Variants in DNAI2 observed in about 807,000 individuals in gnomAD.
The protein encoded by DNAI2 is dynein axonemal intermediate chain 2.
DNAI2 carries 63 observed loss-of-function variants against 74.7 expected under a neutral mutation model. The observed-to-expected ratio is 0.84, with a 90% CI of 0.69 to 1.04. DNAI2 has a LOEUF of 1.04. Among genes scored for constraint, DNAI2 ranks in the 50% least tolerant of loss-of-function variants. The pLI, the probability that DNAI2 is intolerant of heterozygous loss-of-function variation, is 0.00. For missense variants in DNAI2, 688 were observed against 803.2 expected, an observed-to-expected ratio of 0.86 and a Z score of 1.73; for synonymous variants, 289 against 314.9, an observed-to-expected ratio of 0.92 and a Z score of 0.87.
intron 1 of DNAI2, among the ~76,000 whole-genome samples, chr17:74,275,981 A>G (rs1476410759): frequency 2.0e-5 from 3 of 152,148 alleles, no homozygotes; most frequent in Non-Finnish European, 4.4e-5. Flanking sequence ...TAGGGGCTGT[A>G]CCAGGGACCA....
chr17:74,305,121 G>C (rs2053104409), intron 8 of DNAI2, 98 bp from the exon 9 acceptor site: 2 of 1,269,338 alleles, frequency 1.6e-6, no homozygotes, highest in Non-Finnish European at 2.2e-6. Flanking sequence ...GGCCTTTCTA[G>C]CGCCTGCAGA....
At chr17:74,283,514 G>A (rs890439379) in intron 2 of DNAI2, among the ~76,000 whole-genome samples, 7 of 152,000 alleles carry the variant, frequency 4.6e-5, no homozygotes, top group Middle Eastern at 3.4e-3. Context: ...AGGTGGAGGC[G>A]GGCGGATTGC....
intron 1 of DNAI2, among the ~76,000 whole-genome samples, chr17:74,274,697 A>G (rs1448183261): frequency 3.3e-5 from 5 of 152,216 alleles, no homozygotes; most frequent in Admixed American, 1.3e-4. Context: ...GAAGAAAAAC[A>G]GCCTCCGGCT....
intron 10 of DNAI2, 50 bp from the exon 11 acceptor site, chr17:74,309,967 T>G: frequency 3.9e-6 from 6 of 1,529,120 alleles, no homozygotes; most frequent in Non-Finnish European, 5.3e-6. Context: ...CAGACACACA[T>G]AACTTTGCTC....
At chr17:74,312,736 A>C (rs2053610365) in intron 12 of DNAI2, among the ~76,000 whole-genome samples, 1 of 152,196 alleles carries the variant, frequency 6.6e-6, no homozygotes, top group East Asian at 1.9e-4. Flanking sequence ...TAGCTGTATC[A>C]CCTGAGCTGG....
chr17:74,296,435 G>A (rs1236803895), intron 6 of DNAI2, among the ~76,000 whole-genome samples: 1 of 151,886 alleles, frequency 6.6e-6, no homozygotes, highest in Non-Finnish European at 1.5e-5. Flanking sequence ...TTGCTATGTT[G>A]ACCAGGTTGG....
chr17:74,312,647 T>C (rs979587227), intron 12 of DNAI2, among the ~76,000 whole-genome samples: 1 of 152,226 alleles, frequency 6.6e-6, no homozygotes, highest in African/African-American at 2.4e-5. Context: ...CACGTCATGC[T>C]GGCTTACCCA....
At chr17:74,277,828 A>C (rs2051186194) in intron 1 of DNAI2, among the ~76,000 whole-genome samples, 1 of 152,230 alleles carries the variant, frequency 6.6e-6, no homozygotes, top group South Asian at 2.1e-4. Context: ...ATTTTTAAGG[A>C]AGATCCCAGG....
chr17:74,307,715 C>A (rs1337822896), intron 9 of DNAI2, among the ~76,000 whole-genome samples: 2 of 147,458 alleles, frequency 1.4e-5, no homozygotes, highest in African/African-American at 5.3e-5. Context: ...AAAAAAAAAA[C>A]TATTTTTTTT....
chr17:74,300,704 CACATGCATTTTTA>C lies in DNAI2; in HGVS notation c.865-337_865-325del, dbSNP rs1434439333. Among the ~76,000 whole-genome samples, 1 of 152,190 alleles carries C rather than the reference CACATGCATTTTTA, an allele frequency of 6.6e-6. No individual in the cohort carries two copies. ...GCAGTGGGACTTCTAGGTCGGAGCA[CACATGCATTTTTA>C]ACATTGCCGGATATTGCCTTATTGT... On this transcript the variant is annotated intron_variant, in intron 7 of 13. Coordinates refer to ENST00000311014, the MANE Select transcript of DNAI2 (RefSeq NM_023036.6). This position sits in a 1 kb window ranked among gnomAD's most constrained non-coding sequence, Gnocchi z 4.5.
intron 10 of DNAI2, 48 bp downstream of exon 10, chr17:74,309,436 G>A (rs542494591): frequency 6.2e-6 from 10 of 1,613,244 alleles, no homozygotes; most frequent in African/African-American, 1.3e-5. Flanking sequence ...AGGGAGCCAG[G>A]TCCCGGCGTG....
At chr17:74,295,336 A>T (rs1216809833) in intron 6 of DNAI2, among the ~76,000 whole-genome samples, 2 of 151,758 alleles carry the variant, frequency 1.3e-5, no homozygotes, top group East Asian at 3.9e-4. Flanking sequence ...CAGGAGGCAG[A>T]GGTTGCAGTA....
chr17:74,275,121 G>T (rs2050985926), intron 1 of DNAI2, among the ~76,000 whole-genome samples: 1 of 152,212 alleles, frequency 6.6e-6, no homozygotes, highest in Non-Finnish European at 1.5e-5. Flanking sequence ...GCAGGTGACA[G>T]GAGTCTTGGG....
chr17:74,310,038 T>TGCCTCG lies in DNAI2; in HGVS notation c.1374_1375insGGCCTC (p.Leu458_Arg459insGlyLeu). 6.2e-7 allele frequency: 1 copy of TGCCTCG among 1,613,908 alleles called. No homozygotes were observed. Among genetic ancestry groups the TGCCTCG allele is most frequent in the Non-Finnish European group, 8.5e-7 (1 of 1,180,046 alleles). On this transcript the variant is annotated inframe_insertion, in exon 11 of 14. Transcript: ENST00000311014. ...ATAGGTGTGTGACGAGGCCCTCTTC[T>TGCCTCG]GCCTCCGGGTGCAGGACAATGGGTG... is the stretch of plus-strand genomic sequence containing the variant.
At chr17:74,286,870 G>C (rs894930076) in intron 3 of DNAI2, 107 bp from the exon 4 acceptor site, 1 of 1,480,832 alleles carries the variant, frequency 6.8e-7, no homozygotes, top group Non-Finnish European at 9.4e-7. Flanking sequence ...TAGGTGGATG[G>C]GAAAAGCCCC....
chr17:74,305,194 C>CCCTCCTGTGTCACTCCTT, intron 8 of DNAI2, 25 bp from the exon 9 acceptor site: 1 of 1,611,892 alleles, frequency 6.2e-7, no homozygotes, highest in Non-Finnish European at 8.5e-7. Flanking sequence ...TGGAGTCTTC[C>CCCTCCTGTGTCACTCCTT]CCTCCTGTGT....
chr17:74,275,890 AAGC>A (rs1012027586), intron 1 of DNAI2, among the ~76,000 whole-genome samples: 12 of 152,070 alleles, frequency 7.9e-5, no homozygotes, highest in South Asian at 4.2e-4. Flanking sequence ...ACTGTCCCAA[AAGC>A]AACAACAACA....
chr17:74,304,179 CT>C (rs1274454696), intron 8 of DNAI2, among the ~76,000 whole-genome samples: 5 of 101,940 alleles, frequency 4.9e-5, no homozygotes, highest in African/African-American at 1.8e-4. Flanking sequence ...TTTTCTTTTT[CT>C]TTTTTCTTTT....
intron 1 of DNAI2, among the ~76,000 whole-genome samples, chr17:74,277,953 G>A (rs1313096756): frequency 6.6e-6 from 1 of 152,222 alleles, no homozygotes; most frequent in Non-Finnish European, 1.5e-5. Context: ...ATACTGATGA[G>A]AGATTCTGAT....
Sources: allele counts gnomAD v4.1 joint callset (sites outside exome capture counted in the v4.1 genomes callset), GRCh38; gene constraint gnomAD v4.1.1; non-coding constraint Gnocchi (gnomAD v3.1); transcripts MANE v1.5; gene names NCBI Gene and HGNC (gene_info 2026-07-23, HGNC 2026-07-21).